Variants in AGRN observed in about 807,000 individuals in gnomAD.
AGRN encodes agrin proteoglycan.
In AGRN, 106 loss-of-function variants were observed where a neutral mutation model predicts 211.0. The ratio of observed to expected loss-of-function variants is 0.50; its 90% CI spans 0.43 to 0.59. The LOEUF (loss-of-function observed/expected upper bound fraction) is 0.59. AGRN is among the 20% of genes least tolerant of loss of function. AGRN has a pLI of 0.00. For missense variants in AGRN, 3,040 were observed against 2,982.6 expected, an observed-to-expected ratio of 1.02 and a Z score of -0.45; for synonymous variants, 1,525 against 1,332.5, an observed-to-expected ratio of 1.14 and a Z score of -3.15.
chr1:1,022,138 G>T, intron 1 of AGRN, 63 bp from the exon 2 acceptor site: 1 of 1,603,418 alleles, frequency 6.2e-7, no homozygotes, highest in Non-Finnish European at 8.5e-7. Context: ...AACACCTAAA[G>T]CCCCCAGTCT....
chr1:1,024,937 G>A (rs537573997), intron 2 of AGRN, among the ~76,000 whole-genome samples: 6 of 152,316 alleles, frequency 3.9e-5, no homozygotes, highest in African/African-American at 1.4e-4. Flanking sequence ...CCTGGCCTCC[G>A]CAGTGCCAGC....
At chr1:1,041,929 C>A (rs201781945) in intron 6 of AGRN, 27 bp from the exon 7 acceptor site, 1 of 1,609,224 alleles carries the variant, frequency 6.2e-7, no homozygotes, top group Non-Finnish European at 8.5e-7. Flanking sequence ...CCAGCCTCTC[C>A]GTGACTCCCT....
intron 7 of AGRN, 52 bp from the exon 8 acceptor site, chr1:1,043,187 C>G: frequency 6.4e-7 from 1 of 1,551,758 alleles, no homozygotes; most frequent in Non-Finnish European, 8.7e-7. Context: ...GGGGCTTTGC[C>G]TGCAGCGGAG....
At chr1:1,026,311 GAGA>G (rs1395383589) in intron 2 of AGRN, among the ~76,000 whole-genome samples, 1 of 152,186 alleles carries the variant, frequency 6.6e-6, no homozygotes, top group Non-Finnish European at 1.5e-5. Flanking sequence ...CAAGGTAGGG[GAGA>G]AGGAGGTTAG....
intron 5 of AGRN, 34 bp from the exon 6 acceptor site, chr1:1,041,444 C>T: frequency 6.4e-7 from 1 of 1,561,006 alleles, no homozygotes. Flanking sequence ...GGGCGCGCGG[C>T]GACAGCGTCC....
chr1:1,046,372 CCCG>C (rs1358166001), intron 17 of AGRN, 22 bp from the exon 18 acceptor site: 8 of 1,607,046 alleles, frequency 5.0e-6, no homozygotes, highest in Non-Finnish European at 6.0e-6. Context: ...AACCGGTCCC[CCCG>C]CCAACCTCCC....
chr1:1,053,833 A>G lies in AGRN; in HGVS notation c.5732A>G (p.Lys1911Arg). 6.2e-7 allele frequency: 1 copy of G among 1,610,872 alleles called. No homozygotes were observed. The change falls in exon 34 of 36, where the codon AAG (lysine) becomes AGG (arginine). Residue 1911 changes from lysine (K) to arginine (R), a missense_variant. Lys to Arg is a conservative substitution (Grantham distance 26). This residue lies in a region of AGRN where 1,537 missense variants were observed against 1,505.0 expected (regional missense o/e 1.02). Coordinates refer to ENST00000379370, the MANE Select transcript of AGRN (RefSeq NM_198576.4). The part of the protein sequence containing the change: ...ATQGLVLWSG[K>R]ATERADYVAL... ...CAGGGGCTGGTGCTCTGGAGTGGCA[A>G]GGCCACGGAGCGGGCAGACTATGTG... is the stretch of plus-strand genomic sequence containing the variant.
chr1:1,048,372 A>G lies in AGRN; in HGVS notation c.4105+7A>G. On this transcript the variant is annotated splice_region_variant and intron_variant, in intron 23 of 35. Transcript: ENST00000379370. The surrounding 1 kb of genome is among the most constrained non-coding windows in gnomAD (Gnocchi z 5.9). The stretch of plus-strand genomic sequence containing the variant: ...GGCGCCGTCTGTGAGAAGGGTAAGG[A>G]TGTCCACTGCAGAGGAGGGCGGGGA... 1 of 1,407,000 alleles carries G rather than the reference A, an allele frequency of 7.1e-7. No homozygotes were observed. The highest frequency in any genetic ancestry group is 9.5e-7 in the Non-Finnish European group (1 of 1,056,778). 87.2% of individuals were successfully genotyped at this position (1,407,000 alleles called of 1,614,324 possible).
intron 2 of AGRN, among the ~76,000 whole-genome samples, chr1:1,024,876 C>T (rs1325236824): frequency 2.6e-5 from 4 of 152,206 alleles, no homozygotes; most frequent in South Asian, 2.1e-4. Flanking sequence ...GGGGGAGGCC[C>T]GCTGCTCCCT....
chr1:1,025,339 T>C (rs1644497356), intron 2 of AGRN, among the ~76,000 whole-genome samples: 1 of 152,140 alleles, frequency 6.6e-6, no homozygotes, highest in African/African-American at 2.4e-5. Flanking sequence ...GCCAGCTGCC[T>C]AGGCCTCAGG....
chr1:1,051,884 A>ACCAGGAGGGC (rs1245809910), intron 33 of AGRN, 69 bp downstream of exon 33: 2 of 1,591,760 alleles, frequency 1.3e-6, no homozygotes, highest in African/African-American at 1.3e-5. Context: ...GGACCCCCAC[A>ACCAGGAGGGC]CCAGGAGGGC....
At position 1,050,016 on chromosome 1, in the gene AGRN, G is replaced by C. The variant is rs1557718785; in HGVS notation, c.4858G>C (p.Glu1620Gln). ...TCAGTGCGAGTGCCCCCTGGGGCGT[G>C]AGGGCACCTTCTGCCAGACAGGTCG... is the stretch of plus-strand genomic sequence containing the variant. ...GAQCECPLGR[E>Q]GTFCQTASGQ... The change falls in exon 27 of 36, where the codon GAG (glutamate) becomes CAG (glutamine). Residue 1620 changes from glutamate (E) to glutamine (Q), a missense_variant. Glu to Gln is a conservative substitution (Grantham distance 29). Around this residue, in one of 3 missense-constraint regions of AGRN, gnomAD observed 1,537 missense variants for 1,505.0 expected, o/e 1.02. Coordinates refer to ENST00000379370, the MANE Select transcript of AGRN (RefSeq NM_198576.4). 6.3e-7 allele frequency: 1 copy of C among 1,593,746 alleles called. No individual in the cohort carries two copies.
At chr1:1,047,121 G>A (rs563642620) in intron 19 of AGRN, 164 bp downstream of exon 19, 22 of 1,384,560 alleles carry the variant, frequency 1.6e-5, no homozygotes, top group Middle Eastern at 2.6e-4. Context: ...CGTCTCTCTC[G>A]TTGCAAGCCG....
In AGRN at chr1:1,034,206, C is replaced by T. The variant is rs1007664600; in HGVS notation, c.464-1071C>T. On this transcript the variant is annotated intron_variant, in intron 2 of 35. Transcript: ENST00000379370. The stretch of plus-strand genomic sequence containing the variant: ...CTGCCGCGCGCACCGCCTCTCCGGC[C>T]TGCGCGGCTCCGGGGGCTCCGGGAA... 6.1e-6 allele frequency: 6 copies of T among 985,386 alleles called. No individual in the cohort carries two copies. The South Asian group carries it at 2.3e-4, about 39-fold the overall frequency. The allele number at this position is 985,386 out of a possible 1,614,324, so 61.0% of individuals were successfully genotyped here.
rs755767332 is a variant in AGRN, at chr1:1,045,129, A to G, written c.2255-32A>G. ...GTCCAGGGTGGGTGTCCAGCACTGCATGAAATCTGAGTCCCGTACCCTTTC... is the reference window on the plus strand; with the variant it reads ...GTCCAGGGTGGGTGTCCAGCACTGCGTGAAATCTGAGTCCCGTACCCTTTC... On this transcript the variant is annotated intron_variant, in intron 12 of 35. Transcript: ENST00000379370. 5.6e-6 allele frequency: 9 copies of G among 1,606,486 alleles called. No homozygotes were observed. In the African/African-American group the frequency reaches 1.1e-4, roughly 19 times the overall value.
In AGRN at chr1:1,053,839, C is replaced by T. The variant is rs201604787; in HGVS notation, c.5738C>T (p.Thr1913Met). The change falls in exon 34 of 36, where the codon ACG becomes ATG. Residue 1913 changes from threonine to methionine, a missense_variant. Thr to Met is a moderately conservative substitution (Grantham distance 81). Around this residue, in one of 3 missense-constraint regions of AGRN, gnomAD observed 1,537 missense variants for 1,505.0 expected, o/e 1.02. Transcript: ENST00000379370. ...CTGGTGCTCTGGAGTGGCAAGGCCA[C>T]GGAGCGGGCAGACTATGTGGCACTG... The part of the protein sequence containing the change: ...QGLVLWSGKA[T>M]ERADYVALAI... 3.9e-5 allele frequency: 63 copies of T among 1,610,432 alleles called. No individual in the cohort carries two copies. The highest frequency in any genetic ancestry group is 2.5e-4 in the African/African-American group (19 of 74,940).
Position 1,045,756 on chromosome 1 carries a change from G to T in AGRN, c.2560G>T (p.Ala854Ser). The change falls in exon 15 of 36, where the codon GCC (alanine) becomes TCC (serine). Residue 854 changes from alanine to serine, a missense_variant. Around this residue, in one of 3 missense-constraint regions of AGRN, gnomAD observed 1,498 missense variants for 1,457.8 expected, o/e 1.03. Transcript: ENST00000379370. The part of the protein sequence containing the change: ...CTPCSCDPQG[A>S]VRDDCEQMTG... ...AGCCTGCAGCTGTGATCCCCAAGGC[G>T]CCGTGCGGGATGACTGTGAGCAGAT... The T allele has an allele frequency of 6.2e-7, 1 of 1,613,450 alleles. No individual in the cohort carries two copies. The highest frequency in any genetic ancestry group is 8.5e-7 in the Non-Finnish European group (1 of 1,179,970).
intron 2 of AGRN, among the ~76,000 whole-genome samples, chr1:1,028,197 G>A (rs936587378): frequency 6.6e-6 from 1 of 152,152 alleles, no homozygotes; most frequent in African/African-American, 2.4e-5. Context: ...CTGTGGACAC[G>A]GGGCGGAAGA....
In AGRN at chr1:1,021,296, G is replaced by A. The variant is rs114727567; in HGVS notation, c.202-905G>A. Among the ~76,000 whole-genome samples the A allele has an allele frequency of 3.6e-3, 552 of 152,328 alleles. 8 individuals carry two copies. The highest frequency in any genetic ancestry group is 0.012 in the African/African-American group (518 of 41,584). ...CGCTGCTCCTGGGTGTGGCTGGGGTGGGGGAAGGCGATGAAAGCCACCAGG... is the reference window on the plus strand; with the variant it reads ...CGCTGCTCCTGGGTGTGGCTGGGGTAGGGGAAGGCGATGAAAGCCACCAGG... On this transcript the variant is annotated intron_variant, in intron 1 of 35. Coordinates refer to ENST00000379370, the MANE Select transcript of AGRN (RefSeq NM_198576.4).
Sources: gnomAD v4.1 joint callset for allele counts (sites outside exome capture counted in the v4.1 genomes callset) on GRCh38, gnomAD v4.1.1 for gene constraint, gnomAD v4.1.1 regional missense constraint, Gnocchi (gnomAD v3.1) non-coding constraint, MANE v1.5 for transcripts, NCBI Gene and HGNC (gene_info 2026-07-23, HGNC 2026-07-21) for gene names.